Variants in ROBO1 observed in about 807,000 individuals in gnomAD.
ROBO1 encodes roundabout homolog 1.
A neutral mutation model predicts 195.9 loss-of-function variants in ROBO1; 149 were observed. The ratio of observed to expected loss-of-function variants is 0.76; its 90% CI spans 0.67 to 0.87. The LOEUF is 0.87. ROBO1 is among the 40% of genes least tolerant of loss of function. ROBO1 has a pLI of 0.00. For synonymous variants in ROBO1, 816 were observed against 733.2 expected (o/e 1.11, Z -1.82); for missense variants, 1,933 against 2,068.3 (o/e 0.93, Z 1.27).
At chr3:79,104,361 T>A (rs935162725) in intron 3 of ROBO1, among the ~76,000 whole-genome samples, 3 of 151,766 alleles carry the variant, frequency 2.0e-5, no homozygotes, top group African/African-American at 7.2e-5. Context: ...AAATAATAAG[T>A]CATGATAGAA....
intron 2 of ROBO1, among the ~76,000 whole-genome samples, chr3:79,366,603 ACG>A (rs1306194342): frequency 6.6e-6 from 1 of 152,110 alleles, no homozygotes; most frequent in East Asian, 1.9e-4. Flanking sequence ...GCTCTCTTGG[ACG>A]CAACTCCAAA....
chr3:78,949,474 C>T (rs927459433), intron 3 of ROBO1, among the ~76,000 whole-genome samples: 6 of 151,928 alleles, frequency 3.9e-5, no homozygotes, highest in African/African-American at 1.5e-4. Flanking sequence ...AAAGCTGAAA[C>T]TGGATCCCTT....
chr3:79,577,907 G>A (rs531388587), intron 2 of ROBO1, among the ~76,000 whole-genome samples: 16 of 151,728 alleles, frequency 1.1e-4, no homozygotes, highest in Middle Eastern at 3.4e-3. Flanking sequence ...GGGAGACTCT[G>A]TCTCAAAACA....
chr3:78,842,139 GTT>G lies in ROBO1; in HGVS notation c.500-95241_500-95240del, dbSNP rs34583257. Among the ~76,000 whole-genome samples the G allele has an allele frequency of 2.9e-4, 18 of 62,322 alleles. 1 individual carries two copies. In the East Asian group the frequency reaches 3.7e-3, roughly 13 times the overall value. The allele number at this position is 62,322 out of a possible 152,430, so 40.9% of individuals were successfully genotyped here. A position where few individuals can be genotyped will look rare whatever the true frequency, so the allele number is the denominator to read the frequency against. ...ATGGTTCAGAATGAATCGCCAATTT[GTT>G]TTTTTTTTTTTTTTGCGCACACACA... On this transcript the variant is annotated intron_variant, in intron 4 of 30. Coordinates refer to ENST00000464233, the MANE Select transcript of ROBO1 (RefSeq NM_002941.4).
At position 79,527,234 on chromosome 3, in the gene ROBO1, TTTAC is replaced by T. The variant is rs1941469085; in HGVS notation, c.88+62586_88+62589del. 2.0e-5 allele frequency among the ~76,000 whole-genome samples: 3 copies of T among 152,160 alleles called. No homozygotes were observed. In the South Asian group the frequency reaches 6.2e-4, roughly 32 times the overall value. On this transcript the variant is annotated intron_variant, in intron 2 of 30. Transcript: ENST00000464233. ...ATTTGCTTTTTATTTCAATGTAAGA[TTTAC>T]TTTTCAAAAAAATTTTGGAAAGTCT... is the stretch of plus-strand genomic sequence containing the variant.
At chr3:79,677,217 T>C (rs1946808460) in intron 1 of ROBO1, among the ~76,000 whole-genome samples, 1 of 152,036 alleles carries the variant, frequency 6.6e-6, no homozygotes, top group African/African-American at 2.4e-5. Flanking sequence ...ACTCTGTCTT[T>C]CTAGCTGGCT....
intron 1 of ROBO1, among the ~76,000 whole-genome samples, chr3:79,701,280 T>A (rs980293594): frequency 2.0e-5 from 3 of 151,940 alleles, no homozygotes; most frequent in African/African-American, 4.8e-5. Flanking sequence ...TTTGTTCTTT[T>A]TTGTTTAGGA....
chr3:79,519,646 A>AAAAG (rs1479496142), intron 2 of ROBO1, among the ~76,000 whole-genome samples: 1 of 149,122 alleles, frequency 6.7e-6, no homozygotes, highest in African/African-American at 2.5e-5. Context: ...AAAAAAAAAA[A>AAAAG]AAAGAAAAGA....
intron 4 of ROBO1, among the ~76,000 whole-genome samples, chr3:78,927,924 C>T (rs1385092884): frequency 6.6e-6 from 1 of 152,082 alleles, no homozygotes; most frequent in African/African-American, 2.4e-5. Flanking sequence ...AGGAATCAAC[C>T]GAAGAATGAG....
At chr3:78,939,646 G>A (rs2040026105) in intron 3 of ROBO1, among the ~76,000 whole-genome samples, 1 of 149,436 alleles carries the variant, frequency 6.7e-6, no homozygotes, top group Admixed American at 6.6e-5. Flanking sequence ...AAAAAAAAAT[G>A]CTATATACTA....
intron 18 of ROBO1, among the ~76,000 whole-genome samples, chr3:78,656,775 T>C (rs1707053610): frequency 1.3e-5 from 2 of 152,184 alleles, no homozygotes; most frequent in Admixed American, 6.5e-5. Context: ...AAAAATTATA[T>C]AGGACAGGAT....
At chr3:79,001,277 G>T (rs2077498468) in intron 3 of ROBO1, among the ~76,000 whole-genome samples, 3 of 151,922 alleles carry the variant, frequency 2.0e-5, no homozygotes, top group Admixed American at 2.0e-4. Context: ...ACCCCAGAAT[G>T]AAAAGTAAAA....
At chr3:79,376,864 T>A (rs1047185368) in intron 2 of ROBO1, among the ~76,000 whole-genome samples, 2 of 152,174 alleles carry the variant, frequency 1.3e-5, no homozygotes, top group Non-Finnish European at 2.9e-5. Context: ...AAGGAATGAA[T>A]AAAGAGATTG....
intron 2 of ROBO1, among the ~76,000 whole-genome samples, chr3:79,206,524 A>G (rs528894178): frequency 3.3e-5 from 5 of 152,318 alleles, no homozygotes; most frequent in East Asian, 3.9e-4. Flanking sequence ...GGCATACTAC[A>G]TATAGAGTTC....
intron 2 of ROBO1, among the ~76,000 whole-genome samples, chr3:79,232,870 T>G (rs919201152): frequency 2.6e-5 from 4 of 152,048 alleles, no homozygotes; most frequent in African/African-American, 9.7e-5. Context: ...GAGGAATACA[T>G]GAAGAAGCAG....
chr3:78,828,067 G>T (rs162870), intron 4 of ROBO1, among the ~76,000 whole-genome samples: 104,285 of 152,016 alleles, frequency 0.69, 36,739 homozygotes, highest in African/African-American at 0.85. Context: ...AATGTTTAAA[G>T]TAAATCCAAA....
At chr3:78,823,255 C>T (rs548601245) in intron 4 of ROBO1, among the ~76,000 whole-genome samples, 2 of 149,278 alleles carry the variant, frequency 1.3e-5, no homozygotes, top group East Asian at 2.0e-4. Context: ...ATTTTCCCAT[C>T]GTTTCTGCGA....
At chr3:79,717,512 C>CT (rs1702537921) in intron 1 of ROBO1, among the ~76,000 whole-genome samples, 1 of 151,858 alleles carries the variant, frequency 6.6e-6, no homozygotes, top group Non-Finnish European at 1.5e-5. Context: ...AATTCGAGCT[C>CT]TCATTGTTTA....
chr3:79,291,602 G>T (rs1338379928), intron 2 of ROBO1, among the ~76,000 whole-genome samples: 1 of 152,110 alleles, frequency 6.6e-6, no homozygotes, highest in Non-Finnish European at 1.5e-5. Context: ...TGGAGCGTGA[G>T]ATTTCAACAA....
Sources: gnomAD v4.1 joint callset for allele counts (sites outside exome capture counted in the v4.1 genomes callset) on GRCh38, gnomAD v4.1.1 for gene constraint, MANE v1.5 for transcripts, NCBI Gene and HGNC (gene_info 2026-07-23, HGNC 2026-07-21) for gene names.